The following GSG1L variants were observed in gnomAD, a reference collection of about 807,000 sequenced individuals.
The protein encoded by GSG1L is germ cell-specific gene 1-like protein.
In GSG1L, 24 loss-of-function variants were observed where a neutral mutation model predicts 42.1. The ratio of observed to expected loss-of-function variants is 0.57; its 90% CI spans 0.41 to 0.80. The LOEUF is 0.80. Among genes scored for constraint, GSG1L ranks in the 30% least tolerant of loss-of-function variants. The pLI is 0.00. For missense variants in GSG1L, 445 were observed against 472.2 expected, an observed-to-expected ratio of 0.94 and a Z score of 0.53; for synonymous variants, 215 against 203.5, an observed-to-expected ratio of 1.06 and a Z score of -0.48.
chr16:27,857,616 G>A (rs1226089389), intron 3 of GSG1L, among the ~76,000 whole-genome samples: 1 of 151,922 alleles, frequency 6.6e-6, no homozygotes, highest in South Asian at 2.1e-4. Flanking sequence ...GAGATAAATG[G>A]GAGTGTGCAG....
At chr16:27,917,205 G>A (rs1470617118) in intron 2 of GSG1L, among the ~76,000 whole-genome samples, 2 of 152,206 alleles carry the variant, frequency 1.3e-5, no homozygotes, top group East Asian at 1.9e-4. Context: ...GGCTTCACAA[G>A]TATTTCCTGA....
chr16:27,994,929 A>G (rs2085498624), intron 1 of GSG1L, among the ~76,000 whole-genome samples: 1 of 152,216 alleles, frequency 6.6e-6, no homozygotes, highest in African/African-American at 2.4e-5. Flanking sequence ...CACAGCTGCC[A>G]TGGATATTTT....
At chr16:28,061,712 A>C (rs1318538027) in intron 1 of GSG1L, among the ~76,000 whole-genome samples, 1 of 152,200 alleles carries the variant, frequency 6.6e-6, no homozygotes, top group Non-Finnish European at 1.5e-5. Flanking sequence ...AGGGAGTGCC[A>C]AGTGTGGCAG....
At chr16:27,905,810 A>G (rs775318364) in intron 2 of GSG1L, among the ~76,000 whole-genome samples, 28 of 152,030 alleles carry the variant, frequency 1.8e-4, no homozygotes, top group Non-Finnish European at 2.1e-4. Context: ...CTGAATCTCT[A>G]TCTTATTACT....
In GSG1L at chr16:27,861,331, C is replaced by T. The variant is rs576881892; in HGVS notation, c.551-16270G>A. Among the ~76,000 whole-genome samples, 15 of 151,964 alleles carry T rather than the reference C, an allele frequency of 9.9e-5. No individual in the cohort carries two copies. The South Asian group carries it at 2.9e-3, about 30-fold the overall frequency. On this transcript the variant is annotated intron_variant, in intron 3 of 6. Coordinates refer to ENST00000447459, the MANE Select transcript of GSG1L (RefSeq NM_001109763.2). Reference sequence around the variant, plus strand: ...GACGGAGGTTGCAGTGAGCCGAGATCGCGCCAGTGCACTCTAGCCTGGGCA... The same window carrying T: ...GACGGAGGTTGCAGTGAGCCGAGATTGCGCCAGTGCACTCTAGCCTGGGCA...
At chr16:27,997,612 G>A (rs919065829) in intron 1 of GSG1L, among the ~76,000 whole-genome samples, 3 of 151,764 alleles carry the variant, frequency 2.0e-5, no homozygotes, top group Non-Finnish European at 2.9e-5. Context: ...ACACAGTCAC[G>A]GGTTGGGTTA....
At chr16:27,857,694 C>T (rs1471873298) in intron 3 of GSG1L, among the ~76,000 whole-genome samples, 1 of 152,030 alleles carries the variant, frequency 6.6e-6, no homozygotes, top group East Asian at 1.9e-4. Context: ...GGGCGGACTC[C>T]CCCTCCCTGA....
At chr16:27,856,762 T>C (rs2083583778) in intron 3 of GSG1L, among the ~76,000 whole-genome samples, 1 of 152,144 alleles carries the variant, frequency 6.6e-6, no homozygotes, top group South Asian at 2.1e-4. Flanking sequence ...TTAGAGAAAA[T>C]GCGAAGTGAA....
intron 4 of GSG1L, 85 bp downstream of exon 4, chr16:27,844,865 C>A: frequency 2.8e-6 from 1 of 362,344 alleles, no homozygotes. Context: ...CACCGCCCCC[C>A]ACCCCACTGG....
chr16:27,960,119 G>A (rs373102810), intron 2 of GSG1L, among the ~76,000 whole-genome samples: 2 of 152,114 alleles, frequency 1.3e-5, no homozygotes, highest in African/African-American at 4.8e-5. Context: ...TCATGCCTGC[G>A]GTTTGCCAGG....
chr16:28,048,593 T>C (rs1162051836), intron 1 of GSG1L, among the ~76,000 whole-genome samples: 2 of 152,262 alleles, frequency 1.3e-5, no homozygotes, highest in East Asian at 3.9e-4. Context: ...TTCTACTAAA[T>C]TATTCTTGGA....
chr16:28,038,818 A>C (rs895560820), intron 1 of GSG1L, among the ~76,000 whole-genome samples: 1 of 152,206 alleles, frequency 6.6e-6, no homozygotes, highest in Admixed American at 6.5e-5. Context: ...CCTTCATGGC[A>C]TCCCTTGAGA....
chr16:27,976,304 T>C lies in GSG1L; in HGVS notation c.350-13101A>G, dbSNP rs2085249950. On this transcript the variant is annotated intron_variant, in intron 1 of 6. Transcript: ENST00000447459. ...AATAATAATAATAATGCCCAGACAA[T>C]GTCTCTGCAACACGGAGGCCACATG... 2.0e-5 allele frequency among the ~76,000 whole-genome samples: 3 copies of C among 152,116 alleles called. No individual in the cohort carries two copies. In the South Asian group the frequency reaches 6.2e-4, roughly 32 times the overall value.
Position 28,062,083 on chromosome 16 carries a change from T to C in GSG1L, c.349+993A>G, listed in dbSNP as rs558884239. Among the ~76,000 whole-genome samples the C allele has an allele frequency of 5.4e-4, 83 of 152,338 alleles. No individual in the cohort carries two copies. In the South Asian group the frequency reaches 0.013, roughly 24 times the overall value. On this transcript the variant is annotated intron_variant, in intron 1 of 6. Coordinates refer to ENST00000447459, the MANE Select transcript of GSG1L (RefSeq NM_001109763.2). ...GAGCTAGGCATGCAGGGAGGAGTTT[T>C]AACCTTGGAGAAAGAGGTCAATTCA...
chr16:28,003,547 T>A (rs1166730389), intron 1 of GSG1L, among the ~76,000 whole-genome samples: 1 of 152,210 alleles, frequency 6.6e-6, no homozygotes, highest in Non-Finnish European at 1.5e-5. Flanking sequence ...TGTCCAGCTC[T>A]AGTGGCCAAT....
chr16:27,861,317 C>T (rs2083648494), intron 3 of GSG1L, among the ~76,000 whole-genome samples: 1 of 151,910 alleles, frequency 6.6e-6, no homozygotes, highest in Non-Finnish European at 1.5e-5. Context: ...ACGGAGGTTG[C>T]AGTGAGCCGA....
At chr16:27,892,546 C>T (rs1472556292) in intron 2 of GSG1L, among the ~76,000 whole-genome samples, 1 of 151,948 alleles carries the variant, frequency 6.6e-6, no homozygotes, top group Non-Finnish European at 1.5e-5. Flanking sequence ...GGCAGATCAC[C>T]TGAGGTCAGG....
At chr16:28,052,776 A>G (rs554306297) in intron 1 of GSG1L, among the ~76,000 whole-genome samples, 1 of 152,340 alleles carries the variant, frequency 6.6e-6, no homozygotes, top group South Asian at 2.1e-4. Context: ...CTGGCTGAGG[A>G]GGGCAGAAAA....
At chr16:28,042,573 A>T (rs1387613450) in intron 1 of GSG1L, among the ~76,000 whole-genome samples, 2 of 152,208 alleles carry the variant, frequency 1.3e-5, no homozygotes, top group Non-Finnish European at 2.9e-5. Flanking sequence ...AAAGGCGAGA[A>T]GTATCAAAGA....
Sources: gnomAD v4.1 joint callset for allele counts (sites outside exome capture counted in the v4.1 genomes callset) on GRCh38, gnomAD v4.1.1 for gene constraint, MANE v1.5 for transcripts, NCBI Gene and HGNC (gene_info 2026-07-23, HGNC 2026-07-21) for gene names.